Variants in AGAP1 observed in about 807,000 individuals in gnomAD.
AGAP1 encodes the protein arf-GAP with GTPase, ANK repeat and PH domain-containing protein 1.
Under a neutral mutation model 105.3 loss-of-function variants are expected in AGAP1, and 29 were observed. The observed-to-expected ratio is 0.28, with a 90% CI of 0.21 to 0.38. The LOEUF (loss-of-function observed/expected upper bound fraction) is 0.38. AGAP1 is among the 10% of genes least tolerant of loss of function. The pLI is 1.00. For synonymous variants in AGAP1, 509 were observed against 485.9 expected, an observed-to-expected ratio of 1.05 and a Z score of -0.63; for missense variants, 998 against 1,165.1, an observed-to-expected ratio of 0.86 and a Z score of 2.09.
At chr2:236,028,547 A>G (rs983606205) in intron 13 of AGAP1, among the ~76,000 whole-genome samples, 1 of 152,224 alleles carries the variant, frequency 6.6e-6, no homozygotes, top group African/African-American at 2.4e-5. Context: ...ACATTTTGCA[A>G]TTAATATTTT....
At chr2:236,086,658 G>A (rs2058935157) in intron 16 of AGAP1, among the ~76,000 whole-genome samples, 1 of 152,064 alleles carries the variant, frequency 6.6e-6, no homozygotes, top group African/African-American at 2.4e-5. Context: ...AACATTCTTA[G>A]GATAAAATTT....
chr2:235,991,800 C>A (rs550423218), intron 13 of AGAP1, among the ~76,000 whole-genome samples: 1 of 152,296 alleles, frequency 6.6e-6, no homozygotes, highest in South Asian at 2.1e-4. Flanking sequence ...TGAAATATTT[C>A]TTGTAAGGTT....
At position 235,574,602 on chromosome 2, in the gene AGAP1, A is replaced by C. The variant is rs10210938; in HGVS notation, c.163+79753A>C. ...TTTTACCAGGCTGTTCAAAAAGTCA[A>C]GCAGTGTTCTTTTAGGTCCTTTTTG... On this transcript the variant is annotated intron_variant, in intron 1 of 17. Transcript: ENST00000304032. This position sits in a 1 kb window ranked among gnomAD's most constrained non-coding sequence, Gnocchi z 5.0. 0.01 allele frequency among the ~76,000 whole-genome samples: 1,587 copies of C among 152,310 alleles called. 33 individuals carry two copies. The highest frequency in any genetic ancestry group is 0.036 in the African/African-American group (1,494 of 41,552).
intron 13 of AGAP1, among the ~76,000 whole-genome samples, chr2:236,024,660 T>C (rs970115649): frequency 1.3e-5 from 2 of 152,210 alleles, no homozygotes; most frequent in African/African-American, 4.8e-5. Flanking sequence ...AAAAAAAAGT[T>C]TGACAGCCCG....
chr2:235,736,493 G>A lies in AGAP1; in HGVS notation c.311-4470G>A, dbSNP rs10179843. On this transcript the variant is annotated intron_variant, in intron 3 of 17. Coordinates refer to ENST00000304032, the MANE Select transcript of AGAP1 (RefSeq NM_001037131.3). This position sits in a 1 kb window ranked among gnomAD's most constrained non-coding sequence, Gnocchi z 5.5. ...GGATACCGGTGGGCGAACCAGACCT[G>A]CAGGAAAATACATGGAAATGGGGAC... is the stretch of plus-strand genomic sequence containing the variant. Among the ~76,000 whole-genome samples, 375 of 152,166 alleles carry A rather than the reference G, an allele frequency of 2.5e-3. 1 individual carries two copies. The highest frequency in any genetic ancestry group is 8.8e-3 in the African/African-American group (364 of 41,514).
At chr2:236,098,743 G>T (rs931404131) in intron 16 of AGAP1, among the ~76,000 whole-genome samples, 12 of 150,208 alleles carry the variant, frequency 8.0e-5, no homozygotes, top group Non-Finnish European at 1.5e-4. Context: ...CCCTGCGTCA[G>T]CCTCCCCAGT....
intron 11 of AGAP1, among the ~76,000 whole-genome samples, chr2:235,915,479 G>A (rs1268902811): frequency 1.3e-4 from 1 of 7,894 alleles, no homozygotes; most frequent in African/African-American, 4.1e-4. Context: ...GTTCAAGACC[G>A]ATTAATCTAG....
intron 14 of AGAP1, among the ~76,000 whole-genome samples, chr2:236,039,560 T>C (rs947612761): frequency 8.5e-5 from 13 of 152,246 alleles, no homozygotes; most frequent in Non-Finnish European, 1.9e-4. Flanking sequence ...CATATGTTCT[T>C]ACAGCATCGT....
At chr2:235,772,801 C>CG (rs1279013463) in intron 6 of AGAP1, among the ~76,000 whole-genome samples, 2 of 152,202 alleles carry the variant, frequency 1.3e-5, no homozygotes, top group African/African-American at 2.4e-5. Flanking sequence ...AGGCCGCCCT[C>CG]GGAGCCTGGG....
rs1471481541 is a variant in AGAP1, at chr2:235,866,135, A to G, written c.1051-17210A>G. Among the ~76,000 whole-genome samples, 1 of 152,232 alleles carries G rather than the reference A, an allele frequency of 6.6e-6. No homozygotes were observed. The highest frequency in any genetic ancestry group is 2.4e-5 in the African/African-American group (1 of 41,442). On this transcript the variant is annotated intron_variant, in intron 9 of 17. Coordinates refer to ENST00000304032, the MANE Select transcript of AGAP1 (RefSeq NM_001037131.3). The surrounding 1 kb of genome is among the most constrained non-coding windows in gnomAD (Gnocchi z 6.1). ...GATGCTGTTTTAGTTAGGCAGCAGCATGCGATGCCCTGTGCGCATCTTTAT... is the reference window on the plus strand; with the variant it reads ...GATGCTGTTTTAGTTAGGCAGCAGCGTGCGATGCCCTGTGCGCATCTTTAT...
Position 235,793,914 on chromosome 2 carries a change from A to T in AGAP1, c.674-3845A>T, listed in dbSNP as rs563516510. On this transcript the variant is annotated intron_variant, in intron 6 of 17. Coordinates refer to ENST00000304032, the MANE Select transcript of AGAP1 (RefSeq NM_001037131.3). This position sits in a 1 kb window ranked among gnomAD's most constrained non-coding sequence, Gnocchi z 5.3. ...CATTTACAGTTTGTGGATAAAGTAA[A>T]TGTATACCTCACTTTTTTTGTTAAG... Among the ~76,000 whole-genome samples the T allele has an allele frequency of 2.8e-4, 43 of 152,320 alleles. 1 individual carries two copies. In the South Asian group the frequency reaches 8.9e-3, roughly 32 times the overall value.
rs1948065751 is a variant in AGAP1, at chr2:235,664,502, G to A, written c.164-44677G>A. 2.0e-5 allele frequency among the ~76,000 whole-genome samples: 3 copies of A among 152,314 alleles called. No individual in the cohort carries two copies. Among genetic ancestry groups the A allele is most frequent in the East Asian group, 1.9e-4 (1 of 5,184 alleles). On this transcript the variant is annotated intron_variant, in intron 1 of 17. Coordinates refer to ENST00000304032, the MANE Select transcript of AGAP1 (RefSeq NM_001037131.3). The surrounding 1 kb of genome is among the most constrained non-coding windows in gnomAD (Gnocchi z 5.7). ...CAAAGTGCTGGGATTACAAGCATGA[G>A]CCACCACACTTGGCCTGATTTAATA...
rs1243741152 is a variant in AGAP1 at position 236,051,357 on chromosome 2, T to C, written c.2114+2076T>C. 1.3e-5 allele frequency among the ~76,000 whole-genome samples: 2 copies of C among 152,196 alleles called. No homozygotes were observed. The highest frequency in any genetic ancestry group is 1.3e-4 in the Admixed American group (2 of 15,276). The stretch of plus-strand genomic sequence containing the variant: ...ACGGTGAGTGATGATTGCAGTTCCC[T>C]GGTGATTGGTGAAGGCTCTCAGGGC... On this transcript the variant is annotated intron_variant, in intron 16 of 17. Transcript: ENST00000304032. This position sits in a 1 kb window ranked among gnomAD's most constrained non-coding sequence, Gnocchi z 5.9.
intron 8 of AGAP1, among the ~76,000 whole-genome samples, chr2:235,804,427 A>G (rs1450269781): frequency 6.6e-6 from 1 of 152,242 alleles, no homozygotes; most frequent in African/African-American, 2.4e-5. Flanking sequence ...AGCAAAATTC[A>G]TAGTGCGAAG....
chr2:236,096,088 A>G lies in AGAP1; in HGVS notation c.2115-24104A>G, dbSNP rs1320481233. ...ACAGACCTCAGATTTGGTGGAAGCAATACTGATGATGGAACCGCAGTACTA... is the reference window on the plus strand; with the variant it reads ...ACAGACCTCAGATTTGGTGGAAGCAGTACTGATGATGGAACCGCAGTACTA... On this transcript the variant is annotated intron_variant, in intron 16 of 17. Coordinates refer to ENST00000304032, the MANE Select transcript of AGAP1 (RefSeq NM_001037131.3). The surrounding 1 kb of genome is among the most constrained non-coding windows in gnomAD (Gnocchi z 4.4). Among the ~76,000 whole-genome samples, 4 of 152,204 alleles carry G rather than the reference A, an allele frequency of 2.6e-5. No homozygotes were observed. The highest frequency in any genetic ancestry group is 3.8e-4 in the East Asian group (2 of 5,200).
At position 236,003,255 on chromosome 2, in the gene AGAP1, G is replaced by C. The variant is rs1041584533; in HGVS notation, c.1646-33306G>C. The stretch of plus-strand genomic sequence containing the variant: ...AGACGGGGTTTTGCCATGTTGCCCA[G>C]GCTGGTCTCGAACTCCTGGCCTCAG... On this transcript the variant is annotated intron_variant, in intron 13 of 17. Coordinates refer to ENST00000304032, the MANE Select transcript of AGAP1 (RefSeq NM_001037131.3). The surrounding 1 kb of genome is among the most constrained non-coding windows in gnomAD (Gnocchi z 4.2). Among the ~76,000 whole-genome samples, 1 of 152,138 alleles carries C rather than the reference G, an allele frequency of 6.6e-6. No individual in the cohort carries two copies. The highest frequency in any genetic ancestry group is 1.5e-5 in the Non-Finnish European group (1 of 68,026).
chr2:236,115,393 T>C (rs965606599), intron 16 of AGAP1, among the ~76,000 whole-genome samples: 3 of 152,214 alleles, frequency 2.0e-5, no homozygotes, highest in East Asian at 3.9e-4. Context: ...TCTACACCAC[T>C]AAGTCGAGAA....
chr2:235,956,545 G>A lies in AGAP1; in HGVS notation c.1484-11917G>A, dbSNP rs977006010. Among the ~76,000 whole-genome samples the A allele has an allele frequency of 4.6e-5, 7 of 152,344 alleles. No individual in the cohort carries two copies. The South Asian group carries it at 1.2e-3, about 27-fold the overall frequency. The stretch of plus-strand genomic sequence containing the variant: ...AAAACTGTTGTAGTGGACAAGAAAG[G>A]AGAGATACCAGGAAACGGATGGGGT... On this transcript the variant is annotated intron_variant, in intron 12 of 17. Coordinates refer to ENST00000304032, the MANE Select transcript of AGAP1 (RefSeq NM_001037131.3).
intron 9 of AGAP1, among the ~76,000 whole-genome samples, chr2:235,850,032 T>C (rs1223157390): frequency 1.3e-5 from 2 of 152,180 alleles, no homozygotes; most frequent in Non-Finnish European, 2.9e-5. Flanking sequence ...CATTGATGCC[T>C]CCTGAGCAGG....
Sources: allele counts gnomAD v4.1 joint callset (sites outside exome capture counted in the v4.1 genomes callset), GRCh38; gene constraint gnomAD v4.1.1; non-coding constraint Gnocchi (gnomAD v3.1); transcripts MANE v1.5; gene names NCBI Gene and HGNC (gene_info 2026-07-23, HGNC 2026-07-21).